NXPE1: variants seen among roughly 807,000 people sequenced by gnomAD.
NXPE1 encodes neurexophilin and PC-esterase domain family member 1.
NXPE1 carries 31 observed loss-of-function variants against 33.3 expected under a neutral mutation model. The observed-to-expected ratio is 0.93, with a 90% CI of 0.70 to 1.26. NXPE1 has a LOEUF of 1.26. Ranked by LOEUF, NXPE1 falls within the 50% of genes most tolerant of loss-of-function variation. NXPE1 has a pLI of 0.00. For missense variants in NXPE1, 661 were observed against 655.6 expected (o/e 1.01, Z -0.09); for synonymous variants, 229 against 231.4 (o/e 0.99, Z 0.09).
At chr11:114,540,748 C>T (rs1948062200) in intron 5 of NXPE1, among the ~76,000 whole-genome samples, 1 of 146,348 alleles carries the variant, frequency 6.8e-6, no homozygotes, top group African/African-American at 2.5e-5. Flanking sequence ...GAAGAAGGTG[C>T]CATTAAGAGG....
At chr11:114,552,453 C>T (rs764737556) in intron 2 of NXPE1, among the ~76,000 whole-genome samples, 11 of 151,962 alleles carry the variant, frequency 7.2e-5, no homozygotes, top group Non-Finnish European at 1.6e-4. Flanking sequence ...TAGCATGGTG[C>T]CTGACAAGCA....
At chr11:114,528,508 A>G (rs1357290399) in intron 6 of NXPE1, among the ~76,000 whole-genome samples, 1 of 152,178 alleles carries the variant, frequency 6.6e-6, no homozygotes, top group Non-Finnish European at 1.5e-5. Context: ...TTGCTTTCTG[A>G]AGATCATAAG....
At chr11:114,538,817 C>T (rs887934751) in intron 5 of NXPE1, among the ~76,000 whole-genome samples, 2 of 152,118 alleles carry the variant, frequency 1.3e-5, no homozygotes, top group Non-Finnish European at 2.9e-5. Context: ...GAAATAGGAA[C>T]ACTTTTACAT....
intron 1 of NXPE1, among the ~76,000 whole-genome samples, chr11:114,556,762 A>AT (rs1948658077): frequency 1.3e-5 from 2 of 151,734 alleles, no homozygotes; most frequent in South Asian, 2.1e-4. Flanking sequence ...CCACTCTGAC[A>AT]TTTTTTGCAG....
chr11:114,550,456 C>G (rs563573325), intron 5 of NXPE1, among the ~76,000 whole-genome samples: 1 of 152,078 alleles, frequency 6.6e-6, no homozygotes, highest in African/African-American at 2.4e-5. Flanking sequence ...GGAGGCCGCA[C>G]TCAACATCAG....
chr11:114,535,884 G>A (rs1947801639), intron 5 of NXPE1, among the ~76,000 whole-genome samples: 1 of 152,102 alleles, frequency 6.6e-6, no homozygotes. Context: ...GAGACAGAAA[G>A]TTAACAAGGA....
At chr11:114,556,697 G>T (rs1315879882) in intron 1 of NXPE1, among the ~76,000 whole-genome samples, 1 of 151,730 alleles carries the variant, frequency 6.6e-6, no homozygotes, top group East Asian at 1.9e-4. Flanking sequence ...TTTTTAAAAT[G>T]TATTTTTTTC....
chr11:114,537,571 A>G (rs938109264), intron 5 of NXPE1, among the ~76,000 whole-genome samples: 2 of 152,230 alleles, frequency 1.3e-5, no homozygotes, highest in Admixed American at 1.3e-4. Context: ...CTGATAAGCA[A>G]CTTCAGCAAA....
At chr11:114,526,044 G>C (rs967142544) in intron 7 of NXPE1, among the ~76,000 whole-genome samples, 1 of 152,210 alleles carries the variant, frequency 6.6e-6, no homozygotes, top group Admixed American at 6.5e-5. Flanking sequence ...GTCCTCAAAA[G>C]TGGAAGAGGG....
intron 5 of NXPE1, among the ~76,000 whole-genome samples, chr11:114,545,911 G>C (rs1163673696): frequency 6.6e-6 from 1 of 151,794 alleles, no homozygotes; most frequent in Admixed American, 6.6e-5. Flanking sequence ...GGATGGTCTC[G>C]ATAGCTTGAC....
At chr11:114,557,780 TC>T (rs1948691674) in intron 1 of NXPE1, among the ~76,000 whole-genome samples, 1 of 151,560 alleles carries the variant, frequency 6.6e-6, no homozygotes, top group South Asian at 2.1e-4. Context: ...TCAAGAACTA[TC>T]TTTAATATTC....
chr11:114,522,515 A>G lies in NXPE1; in HGVS notation c.1109-12T>C. 1 of 1,561,198 alleles carries G rather than the reference A, an allele frequency of 6.4e-7. No homozygotes were observed. The highest frequency in any genetic ancestry group is 8.7e-7 in the Non-Finnish European group (1 of 1,151,718). Reference sequence around the variant, plus strand: ...AAAAAACTTCAGTGCTGATAAAAAAACAAATAGATGTTTTAAATAGAAGAT... The same window carrying G: ...AAAAAACTTCAGTGCTGATAAAAAAGCAAATAGATGTTTTAAATAGAAGAT... On this transcript the variant is annotated splice_polypyrimidine_tract_variant and intron_variant, in intron 8 of 8. Coordinates refer to ENST00000534921, the Ensembl canonical transcript of NXPE1.
rs1438848074 is a variant in NXPE1 at position 114,551,125 on chromosome 11, A to G, written c.77T>C (p.Ile26Thr). ...TACCTTTGTGAAGTTCTGAGAAATT[A>G]TAAAAATCATCCAGGTTACTACTGA... is the stretch of plus-strand genomic sequence containing the variant. The change falls in exon 5 of 9, where the codon ATA becomes ACA. Residue 26 changes from isoleucine (I) to threonine (T), a missense_variant. Physicochemically the swap from Ile to Thr is moderately conservative, Grantham distance 89 (BLOSUM62 -1). Transcript: ENST00000534921. 2.6e-6 allele frequency: 4 copies of G among 1,528,770 alleles called. No individual in the cohort carries two copies. In the South Asian group the frequency reaches 4.8e-5, roughly 18 times the overall value. The allele number at this position is 1,528,770 out of a possible 1,614,324, so 94.7% of individuals were successfully genotyped here.
exon 6 of NXPE1, chr11:114,530,875 G>C (rs772816443): frequency 3.1e-6 from 5 of 1,612,768 alleles, no homozygotes; most frequent in Non-Finnish European, 4.2e-6. Flanking sequence ...TTCCAGTAAT[G>C]GACAGAGATG....
At chr11:114,540,885 T>TTTTTTTTTTTTTTTG (rs754802719) in intron 5 of NXPE1, among the ~76,000 whole-genome samples, 4 of 81,242 alleles carry the variant, frequency 4.9e-5, no homozygotes, top group Non-Finnish European at 7.4e-5. Context: ...TTTTTTTTTT[T>TTTTTTTTTTTTTTTG]GGCTTGAACA....
intron 1 of NXPE1, among the ~76,000 whole-genome samples, chr11:114,556,956 T>A (rs142727084): frequency 6.6e-6 from 1 of 151,388 alleles, no homozygotes; most frequent in Admixed American, 6.6e-5. Flanking sequence ...GCAGTGGCAC[T>A]ATCTTGGCTC....
At chr11:114,538,671 A>G (rs1250027278) in intron 5 of NXPE1, among the ~76,000 whole-genome samples, 1 of 152,240 alleles carries the variant, frequency 6.6e-6, no homozygotes, top group Non-Finnish European at 1.5e-5. Flanking sequence ...CAGCCAAAAA[A>G]CACGTGAAAA....
At chr11:114,557,262 G>A (rs967318495) in intron 1 of NXPE1, among the ~76,000 whole-genome samples, 8 of 151,876 alleles carry the variant, frequency 5.3e-5, no homozygotes, top group African/African-American at 1.9e-4. Context: ...CATTTAGCTT[G>A]TTATAAAAAC....
intron 5 of NXPE1, among the ~76,000 whole-genome samples, chr11:114,550,388 G>A (rs1487941141): frequency 1.3e-5 from 2 of 152,038 alleles, no homozygotes; most frequent in Non-Finnish European, 2.9e-5. Flanking sequence ...AAAAGACAAT[G>A]TAACAGAATT....
Sources: gnomAD v4.1 joint callset for allele counts (sites outside exome capture counted in the v4.1 genomes callset) on GRCh38, gnomAD v4.1.1 for gene constraint, MANE v1.5 for transcripts, NCBI Gene and HGNC (gene_info 2026-07-23, HGNC 2026-07-21) for gene names.